CDH13: variants seen among roughly 807,000 people sequenced by gnomAD.
The protein encoded by CDH13 is cadherin 13.
In CDH13, 24 loss-of-function variants were observed where a neutral mutation model predicts 63.8. The observed-to-expected ratio is 0.38, with a 90% CI of 0.27 to 0.53. CDH13 has a LOEUF of 0.53. Ranked by LOEUF, CDH13 falls within the 20% of genes least tolerant of loss-of-function variation. The probability of loss-of-function intolerance (pLI) is 0.85; values close to 1 mark genes in which losing one functional copy is unlikely to be tolerated. For synonymous variants in CDH13, 503 were observed against 355.3 expected (o/e 1.42, Z -4.67); for missense variants, 1,049 against 903.1 (o/e 1.16, Z -2.07).
In CDH13 at chr16:82,740,604, A is replaced by G. The variant is rs113617334; in HGVS notation, c.45+113467A>G. ...TGGGCTCAGCTGGGCTTGACTCCAG[A>G]CTGTGGGTTTCATTCAGGTCTGCTC... is the stretch of plus-strand genomic sequence containing the variant. On this transcript the variant is annotated intron_variant, in intron 1 of 13. Transcript: ENST00000567109. 5.9e-5 allele frequency among the ~76,000 whole-genome samples: 9 copies of G among 152,298 alleles called. 1 individual carries two copies. Among genetic ancestry groups the G allele is most frequent in the South Asian group, 2.1e-4 (1 of 4,824 alleles).
intron 1 of CDH13, among the ~76,000 whole-genome samples, chr16:82,682,376 T>C (rs919845537): frequency 3.9e-4 from 60 of 152,306 alleles, no homozygotes; most frequent in African/African-American, 1.3e-3. Context: ...TGAAAAACAC[T>C]GGACACTGGC....
chr16:83,268,265 G>A (rs1277346202), intron 5 of CDH13, among the ~76,000 whole-genome samples: 1 of 152,192 alleles, frequency 6.6e-6, no homozygotes, highest in African/African-American at 2.4e-5. Context: ...CAATATGTAG[G>A]AGAGGAACTT....
At chr16:82,974,256 A>G (rs1909187075) in intron 2 of CDH13, among the ~76,000 whole-genome samples, 1 of 152,134 alleles carries the variant, frequency 6.6e-6, no homozygotes, top group Admixed American at 6.5e-5. Flanking sequence ...TCTTTGTAAG[A>G]TGCATTCATG....
At chr16:83,687,417 C>G (rs1392727148) in intron 10 of CDH13, among the ~76,000 whole-genome samples, 1 of 152,156 alleles carries the variant, frequency 6.6e-6, no homozygotes, top group Admixed American at 6.5e-5. Flanking sequence ...AGGGAGCCAG[C>G]ACTTCACATG....
chr16:82,783,444 C>G (rs1188102140), intron 1 of CDH13, among the ~76,000 whole-genome samples: 1 of 152,234 alleles, frequency 6.6e-6, no homozygotes, highest in East Asian at 1.9e-4. Context: ...CTGCCTTCCA[C>G]TCAGCTTGAA....
At chr16:83,203,595 G>T (rs964502845) in intron 4 of CDH13, among the ~76,000 whole-genome samples, 1 of 134,346 alleles carries the variant, frequency 7.4e-6, no homozygotes, top group Admixed American at 8.9e-5. Flanking sequence ...GCTGAGGCAG[G>T]AGAATGGTGT....
At chr16:83,215,859 A>G (rs2151785323) in intron 4 of CDH13, among the ~76,000 whole-genome samples, 1 of 152,246 alleles carries the variant, frequency 6.6e-6, no homozygotes, top group South Asian at 2.1e-4. Flanking sequence ...TTTTGTTATA[A>G]TCAAATTAAC....
At chr16:83,646,699 A>AC (rs1447809823) in intron 8 of CDH13, among the ~76,000 whole-genome samples, 40 of 56,220 alleles carry the variant, frequency 7.1e-4, no homozygotes, top group African/African-American at 3.2e-3. Flanking sequence ...TCTCAAAAAA[A>AC]AAAAAAAAAA....
intron 4 of CDH13, among the ~76,000 whole-genome samples, chr16:83,207,367 C>T (rs1157797151): frequency 1.3e-5 from 2 of 152,224 alleles, no homozygotes; most frequent in Non-Finnish European, 2.9e-5. Flanking sequence ...TTTCATTTAG[C>T]ATAATGTCCT....
chr16:83,066,864 T>G (rs2032055378), intron 3 of CDH13, among the ~76,000 whole-genome samples: 3 of 152,170 alleles, frequency 2.0e-5, no homozygotes, highest in African/African-American at 7.2e-5. Context: ...TTAGTGAGCA[T>G]GAAGTGTTGG....
At position 82,969,454 on chromosome 16, in the gene CDH13, T is replaced by C. The variant is rs142278589; in HGVS notation, c.158-62556T>C. The stretch of plus-strand genomic sequence containing the variant: ...TACCTGCCTTAGGAAATCCCTCATT[T>C]TCTCTGGCTATTTTCTGCATATTCT... On this transcript the variant is annotated intron_variant, in intron 2 of 13. Coordinates refer to ENST00000567109, the MANE Select transcript of CDH13 (RefSeq NM_001257.5). 2.0e-3 allele frequency among the ~76,000 whole-genome samples: 306 copies of C among 151,288 alleles called. 3 individuals carry two copies. The highest frequency in any genetic ancestry group is 7.1e-3 in the African/African-American group (292 of 41,356).
rs539338174 is a variant in CDH13 at position 82,916,435 on chromosome 16, A to G, written c.157+57962A>G. 2.3e-3 allele frequency among the ~76,000 whole-genome samples: 347 copies of G among 152,224 alleles called. 1 individual carries two copies. The highest frequency in any genetic ancestry group is 7.9e-3 in the African/African-American group (330 of 41,550). On this transcript the variant is annotated intron_variant, in intron 2 of 13. Coordinates refer to ENST00000567109, the MANE Select transcript of CDH13 (RefSeq NM_001257.5). ...CTAAAAATACAAAAATTAGCCGGGC[A>G]TGGTGGCAGGCACCTGTAATCCTAG...
At chr16:83,349,570 A>C (rs1033904992) in intron 6 of CDH13, among the ~76,000 whole-genome samples, 10 of 136,510 alleles carry the variant, frequency 7.3e-5, no homozygotes, top group African/African-American at 2.8e-4. Flanking sequence ...GAAGTCAGAC[A>C]ACTTGAGGTG....
chr16:83,701,473 C>T (rs933529634), intron 10 of CDH13, among the ~76,000 whole-genome samples: 7 of 152,216 alleles, frequency 4.6e-5, no homozygotes, highest in Non-Finnish European at 1.0e-4. Flanking sequence ...ACCCCATGCA[C>T]AGCTGTCCTC....
At chr16:83,386,993 AT>A (rs1385183229) in intron 6 of CDH13, among the ~76,000 whole-genome samples, 1 of 152,090 alleles carries the variant, frequency 6.6e-6, no homozygotes, top group Admixed American at 6.5e-5. Context: ...TTTCGCCTAC[AT>A]TTTCTTAGCC....
intron 6 of CDH13, among the ~76,000 whole-genome samples, chr16:83,485,346 T>A (rs2073861908): frequency 6.6e-6 from 1 of 152,192 alleles, no homozygotes; most frequent in Non-Finnish European, 1.5e-5. Flanking sequence ...TCCCTTTATA[T>A]CAGCTGCATG....
chr16:82,973,331 A>T (rs4783303), intron 2 of CDH13, among the ~76,000 whole-genome samples: 17,925 of 152,162 alleles, frequency 0.12, 1,288 homozygotes, highest in Middle Eastern at 0.17. Context: ...AGGCTTTACG[A>T]TTCAACTTTC....
intron 2 of CDH13, among the ~76,000 whole-genome samples, chr16:82,890,893 C>G (rs1251144159): frequency 6.6e-6 from 1 of 152,108 alleles, no homozygotes; most frequent in East Asian, 1.9e-4. Flanking sequence ...CTCCAGTGAT[C>G]TGCCCACCGC....
chr16:82,767,338 T>C (rs1306500226), intron 1 of CDH13, among the ~76,000 whole-genome samples: 1 of 152,202 alleles, frequency 6.6e-6, no homozygotes, highest in African/African-American at 2.4e-5. Flanking sequence ...GCTCTGATTG[T>C]TTTCTATCTT....
Sources: allele counts gnomAD v4.1 joint callset (sites outside exome capture counted in the v4.1 genomes callset), GRCh38; gene constraint gnomAD v4.1.1; transcripts MANE v1.5; gene names NCBI Gene and HGNC (gene_info 2026-07-23, HGNC 2026-07-21).